Variants in SLC25A3 observed in about 807,000 individuals in gnomAD.
The protein encoded by SLC25A3 is solute carrier family 25 member 3, also known as phosphate transport protein.
A neutral mutation model predicts 37.1 loss-of-function variants in SLC25A3; 14 were observed. That is an observed-to-expected ratio of 0.38 (90% CI 0.25 to 0.59). SLC25A3 has a LOEUF of 0.59. Among genes scored for constraint, SLC25A3 ranks in the 20% least tolerant of loss-of-function variants. The pLI is 0.67. For synonymous variants in SLC25A3, 161 were observed against 168.7 expected (o/e 0.95, Z 0.36); for missense variants, 385 against 458.1 (o/e 0.84, Z 1.46).
Position 98,601,489 on chromosome 12 carries a change from G to A in SLC25A3, c.1047G>A (p.Met349Ile). 1.2e-6 allele frequency: 2 copies of A among 1,614,052 alleles called. No homozygotes were observed. The highest frequency in any genetic ancestry group is 2.2e-5 in the South Asian group (2 of 91,080). The change falls in exon 8 of 8, where the codon ATG (methionine) becomes ATA (isoleucine). Residue 349 changes from methionine (M) to isoleucine (I), a missense_variant. Coordinates refer to ENST00000552981, the MANE Select transcript of SLC25A3 (RefSeq NM_002635.4). Reference protein sequence around the residue: ...FRLPRPPPPEMPESLKKKLGL... With the variant: ...FRLPRPPPPEIPESLKKKLGL... Reference sequence around the variant, plus strand: ...TTCCTCGCCCTCCTCCACCCGAGATGCCAGAGTCTCTGAAGAAGAAGCTTG... The same window carrying A: ...TTCCTCGCCCTCCTCCACCCGAGATACCAGAGTCTCTGAAGAAGAAGCTTG...
rs2097590391 is a variant in SLC25A3, at chr12:98,593,731, A to G, written c.-14A>G. 1.7e-6 allele frequency: 1 copy of G among 585,894 alleles called. No individual in the cohort carries two copies. The highest frequency in any genetic ancestry group is 3.1e-6 in the Non-Finnish European group (1 of 327,744). 36.3% of individuals were successfully genotyped at this position (585,894 alleles called of 1,614,324 possible). ...CCAAGGGAGTGGTTGTGTGATCGCC[A>G]TCTTAGGGAGTGAGTGTGGCCGGGC... On this transcript the variant is annotated 5_prime_UTR_variant, in exon 1 of 8. Coordinates refer to ENST00000552981, the MANE Select transcript of SLC25A3 (RefSeq NM_002635.4).
intron 5 of SLC25A3, among the ~76,000 whole-genome samples, chr12:98,598,929 C>T (rs1225841820): frequency 2.6e-5 from 4 of 152,030 alleles, no homozygotes; most frequent in Admixed American, 6.6e-5. Flanking sequence ...GCGCCTGCCA[C>T]TGCGCCCAGC....
chr12:98,593,768 G>A, intron 1 of SLC25A3, 28 bp downstream of exon 1: 1 of 613,676 alleles, frequency 1.6e-6, no homozygotes, highest in Non-Finnish European at 2.9e-6. Context: ...TTCTCCTGTG[G>A]CGGGTGTGGG....
intron 6 of SLC25A3, 96 bp from the exon 7 acceptor site, chr12:98,601,075 T>G: frequency 1.4e-6 from 2 of 1,406,108 alleles, no homozygotes; most frequent in East Asian, 2.5e-5. Flanking sequence ...ATTTTAGAAC[T>G]AGAAAAATAT....
rs1401728461 is a variant in SLC25A3, at chr12:98,593,866, TC to T, written c.-4-108del. The T allele has an allele frequency of 8.5e-6, 11 of 1,297,894 alleles. No homozygotes were observed. In the East Asian group the frequency reaches 2.7e-4, roughly 32 times the overall value. 80.4% of individuals were successfully genotyped at this position (1,297,894 alleles called of 1,614,324 possible). ...TCTTTCGAAGGCCGCCGTGACCTCTTCAAGGGCGTGGAGACGGGAAGGAAAA... is the reference window on the plus strand; with the variant it reads ...TCTTTCGAAGGCCGCCGTGACCTCTTAAGGGCGTGGAGACGGGAAGGAAAA... On this transcript the variant is annotated intron_variant, in intron 1 of 7. Coordinates refer to ENST00000552981, the MANE Select transcript of SLC25A3 (RefSeq NM_002635.4).
chr12:98,602,679 TA>T lies in SLC25A3; in HGVS notation c.*1155del, dbSNP rs1360850739. 55 of 152,132 alleles carry T rather than the reference TA, an allele frequency of 3.6e-4. No homozygotes were observed. Among genetic ancestry groups the T allele is most frequent in the African/African-American group, 1.3e-3 (53 of 41,414 alleles). The allele number at this position is 152,132 out of a possible 1,614,324, so 9.4% of individuals were successfully genotyped here. ...CCCTTAAGTTTGATTAGGAAGTGTA[TA>T]AAAGTTCAATCTTTTGTAATGACAG... On this transcript the variant is annotated 3_prime_UTR_variant, in exon 8 of 8. Transcript: ENST00000552981.
chr12:98,595,833 G>T lies in SLC25A3; in HGVS notation c.264G>T (p.Val88=), dbSNP rs769713537. 6.2e-7 allele frequency: 1 copy of T among 1,614,016 alleles called. No individual in the cohort carries two copies. The highest frequency in any genetic ancestry group is 2.2e-5 in the East Asian group (1 of 44,886). ...CTGCTGTGGTTCCCCTGGATTTAGT[G>T]AAATGCCGTATGCAGGTTTGTATTG... ...THTAVVPLDL[V]KCRMQVDPQK... The change falls in exon 3 of 8, where the codon GTG becomes GTT. Residue 88 remains valine (V), a synonymous_variant. Transcript: ENST00000552981.
rs2097592575 is a variant in SLC25A3 at position 98,595,841 on chromosome 12, G to A, written c.272G>A (p.Arg91His). The A allele has an allele frequency of 2.5e-6, 4 of 1,613,364 alleles. No homozygotes were observed. Among genetic ancestry groups the A allele is most frequent in the Admixed American group, 1.7e-5 (1 of 60,010 alleles). ...GTTCCCCTGGATTTAGTGAAATGCCGTATGCAGGTTTGTATTGAGATGACA... is the reference window on the plus strand; with the variant it reads ...GTTCCCCTGGATTTAGTGAAATGCCATATGCAGGTTTGTATTGAGATGACA... ...AVVPLDLVKC[R>H]MQVDPQKYKG... The change falls in exon 3 of 8, where the codon CGT (arginine) becomes CAT (histidine). Residue 91 changes from arginine (R) to histidine (H), a missense_variant. Physicochemically the swap from Arg to His is conservative, Grantham distance 29. Around this residue, in one of 2 missense-constraint regions of SLC25A3, gnomAD observed 276 missense variants for 367.6 expected, o/e 0.75. Coordinates refer to ENST00000552981, the MANE Select transcript of SLC25A3 (RefSeq NM_002635.4).
chr12:98,600,128 G>T lies in SLC25A3; in HGVS notation c.814+1G>T. Reference sequence around the variant, plus strand: ...GTAACATTTGTAGCAGGTTACATAGGTACGAATTACTTAGAACACACTTGT... The same window carrying T: ...GTAACATTTGTAGCAGGTTACATAGTTACGAATTACTTAGAACACACTTGT... On this transcript the variant is annotated splice_donor_variant, in intron 6 of 7. Coordinates refer to ENST00000552981, the MANE Select transcript of SLC25A3 (RefSeq NM_002635.4). LOFTEE classifies it high-confidence loss of function. 1 of 1,570,998 alleles carries T rather than the reference G, an allele frequency of 6.4e-7. No homozygotes were observed. Among genetic ancestry groups the T allele is most frequent in the East Asian group, 2.2e-5 (1 of 44,656 alleles).
chr12:98,594,089 G>A lies in SLC25A3; in HGVS notation c.111G>A (p.Thr37=), dbSNP rs151228170. The change falls in exon 2 of 8, where the codon ACG becomes ACA. Residue 37 remains threonine (T), a synonymous_variant. Coordinates refer to ENST00000552981, the MANE Select transcript of SLC25A3 (RefSeq NM_002635.4). ...GDLRSSSPGP[T]GQPRRPRNLA... is the part of the protein sequence containing the mutation. ...TCCGCAGCAGCTCCCCAGGGCCCAC[G>A]GGCCAGCCCCGCCGCCCTCGCAACC... The A allele has an allele frequency of 7.6e-5, 122 of 1,611,744 alleles. No homozygotes were observed. The highest frequency in any genetic ancestry group is 1.0e-4 in the Non-Finnish European group (118 of 1,179,356).
chr12:98,598,088 T>G (rs1366880362), intron 4 of SLC25A3, 53 bp downstream of exon 4: 3 of 1,589,006 alleles, frequency 1.9e-6, no homozygotes. Context: ...ACTTTCCGAG[T>G]GTTCTTAGAT....
chr12:98,598,382 A>G (rs544236132), intron 4 of SLC25A3, 140 bp from the exon 5 acceptor site: 2 of 1,303,014 alleles, frequency 1.5e-6, no homozygotes, highest in South Asian at 2.6e-5. Flanking sequence ...TAATGAGGTT[A>G]TGAGACCACA....
Position 98,605,114 on chromosome 12 carries a change from C to G in SLC25A3, c.*3586C>G, listed in dbSNP as rs2097600513. The G allele has an allele frequency of 6.6e-6, 1 of 152,106 alleles. No homozygotes were observed. The highest frequency in any genetic ancestry group is 2.1e-4 in the South Asian group (1 of 4,818). 9.4% of individuals were successfully genotyped at this position (152,106 alleles called of 1,614,324 possible). A position where few individuals can be genotyped will look rare whatever the true frequency, so the allele number is the denominator to read the frequency against. On this transcript the variant is annotated 3_prime_UTR_variant, in exon 8 of 8. Coordinates refer to ENST00000552981, the MANE Select transcript of SLC25A3 (RefSeq NM_002635.4). ...ATTTTATTTGATCCTTGTTCTGAAACCATAAAGTGAGTTTAACATTTCTGG... is the reference window on the plus strand; with the variant it reads ...ATTTTATTTGATCCTTGTTCTGAAAGCATAAAGTGAGTTTAACATTTCTGG...
chr12:98,597,589 A>G, intron 3 of SLC25A3: 2 of 397,482 alleles, frequency 5.0e-6, no homozygotes, highest in South Asian at 4.4e-5. Context: ...ATGCCCGTCC[A>G]ATTTTTTGTA....
chr12:98,601,014 T>TAG, intron 6 of SLC25A3, 157 bp from the exon 7 acceptor site: 2 of 732,272 alleles, frequency 2.7e-6, no homozygotes, highest in Non-Finnish European at 4.4e-6. Flanking sequence ...CCGTTTTACA[T>TAG]AGGATAGACA....
chr12:98,594,445 A>G (rs990182000), intron 2 of SLC25A3: 1 of 676,232 alleles, frequency 1.5e-6, no homozygotes, highest in Non-Finnish European at 2.7e-6. Flanking sequence ...CAAACTAAGT[A>G]CTGGGTAAAC....
rs1236368862 is a variant in SLC25A3, at chr12:98,603,422, C to A, written c.*1894C>A. The A allele has an allele frequency of 6.6e-6, 1 of 152,110 alleles. No individual in the cohort carries two copies. The highest frequency in any genetic ancestry group is 2.4e-5 in the African/African-American group (1 of 41,414). 9.4% of individuals were successfully genotyped at this position (152,110 alleles called of 1,614,324 possible). On this transcript the variant is annotated 3_prime_UTR_variant, in exon 8 of 8. Transcript: ENST00000552981. ...TCAATGTCACATAACATCACTTTTA[C>A]CATGCTCTTGGTTACAACAGTGATG...
intron 2 of SLC25A3, chr12:98,595,315 G>A (rs2097592058): frequency 2.7e-6 from 3 of 1,122,436 alleles, no homozygotes; most frequent in Non-Finnish European, 4.0e-6. Context: ...CTTAATTGTG[G>A]CCAAAGCTAT....
rs568025994 is a variant in SLC25A3 at position 98,598,642 on chromosome 12, G to C, written c.580G>C (p.Gly194Arg). The change falls in exon 5 of 8, where the codon GGT (glycine) becomes CGT (arginine). Residue 194 changes from glycine (G) to arginine (R), a missense_variant. This residue lies in a region of SLC25A3 where 276 missense variants were observed against 367.6 expected (regional missense o/e 0.75). Transcript: ENST00000552981. The part of the protein sequence containing the change: ...AAKVRIQTQP[G>R]YANTLRDAAP... ...TAAGGTTCGAATTCAAACCCAGCCA[G>C]GTTATGCCAACACTTTGAGGGATGC... 1.1e-5 allele frequency: 17 copies of C among 1,614,108 alleles called. No individual in the cohort carries two copies. The South Asian group carries it at 1.9e-4, about 18-fold the overall frequency.
Sources: allele counts gnomAD v4.1 joint callset (sites outside exome capture counted in the v4.1 genomes callset), GRCh38; gene constraint gnomAD v4.1.1; regional missense constraint gnomAD v4.1.1; transcripts MANE v1.5; gene names NCBI Gene and HGNC (gene_info 2026-07-23, HGNC 2026-07-21).